The following FAS variants were observed in gnomAD, a reference collection of about 807,000 sequenced individuals.
FAS encodes the protein Fas cell surface death receptor, also known as tumor necrosis factor receptor superfamily member 6.
FAS carries 5 observed loss-of-function variants against 33.2 expected under a neutral mutation model. The ratio of observed to expected loss-of-function variants is 0.15; its 90% CI spans 0.08 to 0.32. The LOEUF (loss-of-function observed/expected upper bound fraction) is 0.32, where lower values mean the gene tolerates loss of function less well. Ranked by LOEUF, FAS falls within the 10% of genes least tolerant of loss-of-function variation. The probability of loss-of-function intolerance (pLI) is 1.00; values close to 1 mark genes in which losing one functional copy is unlikely to be tolerated. For missense variants in FAS, 339 were observed against 386.0 expected (o/e 0.88, Z 1.02); for synonymous variants, 131 against 130.7 (o/e 1.00, Z -0.01).
intron 2 of FAS, 118 bp downstream of exon 2, chr10:89,003,312 TGA>T (rs1378792848): frequency 2.7e-5 from 29 of 1,076,350 alleles, no homozygotes; most frequent in Non-Finnish European, 2.7e-6. Context: ...ATAACATAAC[TGA>T]GAGAAAAACA....
chr10:88,993,301 T>A (rs1195422380), intron 1 of FAS, among the ~76,000 whole-genome samples: 1 of 112,826 alleles, frequency 8.9e-6, no homozygotes, highest in Admixed American at 8.8e-5. Flanking sequence ...TAGCTGTGGG[T>A]TGCATTTTTT....
At chr10:88,969,686 T>C (rs1846389714) in intron 1 of FAS, among the ~76,000 whole-genome samples, 1 of 152,222 alleles carries the variant, frequency 6.6e-6, no homozygotes, top group Non-Finnish European at 1.5e-5. Context: ...CTCCCAACTA[T>C]ATCTTTTCAT....
At chr10:88,993,009 G>C (rs982732126) in intron 1 of FAS, among the ~76,000 whole-genome samples, 1 of 152,146 alleles carries the variant, frequency 6.6e-6, no homozygotes, top group Admixed American at 6.5e-5. Context: ...TTAATGGGCT[G>C]GACATAGATG....
At chr10:88,992,203 A>C (rs1216644947) in intron 1 of FAS, among the ~76,000 whole-genome samples, 2 of 152,184 alleles carry the variant, frequency 1.3e-5, no homozygotes. Flanking sequence ...GTCTGGGTCC[A>C]TTTTATGATT....
At chr10:89,012,203 A>T in intron 7 of FAS, 122 bp downstream of exon 7, 1 of 864,538 alleles carries the variant, frequency 1.2e-6, no homozygotes, top group South Asian at 1.4e-5. Flanking sequence ...TTTGAGATGG[A>T]GTCTTGCTCC....
chr10:88,975,572 T>C (rs1180526171), intron 2 of FAS, among the ~76,000 whole-genome samples: 1 of 151,952 alleles, frequency 6.6e-6, no homozygotes, highest in Non-Finnish European at 1.5e-5. Flanking sequence ...AATAAATGTG[T>C]GGGCTCTGGG....
chr10:89,006,592 T>A (rs927004601), intron 2 of FAS, among the ~76,000 whole-genome samples: 1 of 152,182 alleles, frequency 6.6e-6, no homozygotes, highest in African/African-American at 2.4e-5. Flanking sequence ...CTTCCCTTGA[T>A]ATTTTCTGTC....
chr10:88,988,428 T>G (rs563390364), upstream of FAS, among the ~76,000 whole-genome samples: 10 of 10,282 alleles, frequency 9.7e-4, no homozygotes, highest in African/African-American at 4.6e-3. Flanking sequence ...TTTTTTTTTT[T>G]TTTGTTTTGT....
At chr10:88,979,612 C>CT (rs550424129) in intron 2 of FAS, among the ~76,000 whole-genome samples, 2,586 of 143,234 alleles carry the variant, frequency 0.018, 46 homozygotes, top group African/African-American at 0.045. Flanking sequence ...TTAATGATGA[C>CT]TTTTTTTTTT....
At position 89,015,012 on chromosome 10, in the gene FAS, AAG is replaced by A. The variant is rs1288095859; in HGVS notation, c.*564_*565del. The A allele has an allele frequency of 5.6e-6, 3 of 532,996 alleles. No individual in the cohort carries two copies. In the Admixed American group the frequency reaches 6.7e-5, roughly 12 times the overall value. The allele number at this position is 532,996 out of a possible 1,614,324, so 33.0% of individuals were successfully genotyped here. ...AGAATTTAAATAAGGCTCTACCTCA[AAG>A]ACCTTTGCACAGTTTATTGGTGTCA... On this transcript the variant is annotated 3_prime_UTR_variant, in exon 9 of 9. Transcript: ENST00000652046.
intron 1 of FAS, among the ~76,000 whole-genome samples, chr10:88,966,930 A>T (rs1237462576): frequency 6.6e-6 from 1 of 152,220 alleles, no homozygotes; most frequent in African/African-American, 2.4e-5. Flanking sequence ...TACCATTAGG[A>T]GATCCTGAGG....
At chr10:88,998,283 CT>C (rs969734962) in intron 1 of FAS, among the ~76,000 whole-genome samples, 5 of 141,564 alleles carry the variant, frequency 3.5e-5, no homozygotes, top group Non-Finnish European at 4.6e-5. Flanking sequence ...ATTTCCTCTT[CT>C]TTTTTTTTAA....
intron 1 of FAS, among the ~76,000 whole-genome samples, chr10:88,999,627 T>G (rs540092567): frequency 1.2e-4 from 19 of 152,320 alleles, no homozygotes; most frequent in Non-Finnish European, 2.4e-4. Flanking sequence ...ATTATTAGAT[T>G]TTTTTCAGTT....
intron 2 of FAS, among the ~76,000 whole-genome samples, chr10:89,006,019 G>A (rs2133490402): frequency 6.6e-6 from 1 of 152,194 alleles, no homozygotes; most frequent in South Asian, 2.1e-4. Flanking sequence ...ACTAAAAAAA[G>A]TATTTTAAAA....
intron 1 of FAS, among the ~76,000 whole-genome samples, chr10:88,998,926 C>A (rs1294989008): frequency 6.6e-6 from 1 of 152,064 alleles, no homozygotes; most frequent in African/African-American, 2.4e-5. Context: ...GAGGCCGAGG[C>A]AGGCGGATCA....
chr10:89,015,178 AG>A lies in FAS; in HGVS notation c.*729del, dbSNP rs1382394855. ...GCATCAAAAGCATTTTGAGCAGGAG[AG>A]TATTACTAGAGCTTTGCCACCTCTC... On this transcript the variant is annotated 3_prime_UTR_variant, in exon 9 of 9. Coordinates refer to ENST00000652046, the MANE Select transcript of FAS (RefSeq NM_000043.6). 1.1e-5 allele frequency: 6 copies of A among 534,786 alleles called. No homozygotes were observed. 33.1% of individuals were successfully genotyped at this position (534,786 alleles called of 1,614,324 possible).
intron 1 of FAS, among the ~76,000 whole-genome samples, chr10:88,970,602 A>T (rs1156863377): frequency 6.6e-6 from 1 of 152,200 alleles, no homozygotes; most frequent in Non-Finnish European, 1.5e-5. Flanking sequence ...GACAGTTGGC[A>T]CAGCATTAGA....
upstream of FAS, among the ~76,000 whole-genome samples, chr10:88,984,437 A>G (rs1304609289): frequency 1.3e-5 from 2 of 152,224 alleles, no homozygotes; most frequent in Non-Finnish European, 2.9e-5. Flanking sequence ...AGGGCCTTAA[A>G]TGATAGTAGC....
chr10:88,994,536 CATG>C lies in FAS; in HGVS notation c.30+3634_30+3636del, dbSNP rs151116350. On this transcript the variant is annotated intron_variant, in intron 1 of 8. Transcript: ENST00000652046. Reference sequence around the variant, plus strand: ...TAGGTAAATATAGAAAAAATGACCACATGATGTGAAACAAAAAGCAAATATTTA... The same window carrying C: ...TAGGTAAATATAGAAAAAATGACCACATGTGAAACAAAAAGCAAATATTTA... Among the ~76,000 whole-genome samples the C allele has an allele frequency of 1.7e-3, 252 of 152,262 alleles. 1 individual carries two copies. Among genetic ancestry groups the C allele is most frequent in the African/African-American group, 5.0e-3 (208 of 41,566 alleles).
Sources: gnomAD v4.1 joint callset for allele counts (sites outside exome capture counted in the v4.1 genomes callset) on GRCh38, gnomAD v4.1.1 for gene constraint, MANE v1.5 for transcripts, NCBI Gene and HGNC (gene_info 2026-07-23, HGNC 2026-07-21) for gene names.